The following ZBTB44 variants were observed in gnomAD, a reference collection of about 807,000 sequenced individuals.
ZBTB44 encodes zinc finger and BTB domain containing 44.
Under a neutral mutation model 54.0 loss-of-function variants are expected in ZBTB44, and 15 were observed. That is an observed-to-expected ratio of 0.28 (90% confidence interval 0.19 to 0.43). ZBTB44 has a LOEUF of 0.43. Ranked by LOEUF, ZBTB44 falls within the 20% of genes least tolerant of loss-of-function variation. ZBTB44 has a pLI of 1.00. For missense variants in ZBTB44, 487 were observed against 707.1 expected (o/e 0.69, Z 3.53); for synonymous variants, 230 against 250.1 (o/e 0.92, Z 0.76).
At chr11:130,242,501 A>G (rs1954413666) in intron 2 of ZBTB44, among the ~76,000 whole-genome samples, 2 of 152,032 alleles carry the variant, frequency 1.3e-5, no homozygotes, top group Admixed American at 1.3e-4. Flanking sequence ...TTTTTTGGCA[A>G]TGATTTGCTG....
intron 1 of ZBTB44, among the ~76,000 whole-genome samples, chr11:130,270,181 G>A (rs1489127083): frequency 6.6e-6 from 1 of 152,140 alleles, no homozygotes; most frequent in African/African-American, 2.4e-5. Context: ...ATTTAAATAT[G>A]CAGCCACATC....
chr11:130,302,313 A>G (rs1942030218), intron 1 of ZBTB44, among the ~76,000 whole-genome samples: 1 of 152,196 alleles, frequency 6.6e-6, no homozygotes, highest in Non-Finnish European at 1.5e-5. Context: ...TGCTCCTTAC[A>G]CTATGCTATA....
chr11:130,314,525 CCT>C lies in ZBTB44; in HGVS notation c.-209_-208del, dbSNP rs1319661919. ...TCCTCCCCCGGGAGGCTCAGGGGCC[CCT>C]ATCTCGGGCCGCCGCGCCTAGGCCC... On this transcript the variant is annotated 5_prime_UTR_variant, in exon 1 of 8. In the 5' UTR this introduces an upstream ATG that the reference lacks. Transcript: ENST00000357899. 6.6e-6 allele frequency: 1 copy of C among 152,034 alleles called. No individual in the cohort carries two copies. The highest frequency in any genetic ancestry group is 1.5e-5 in the Non-Finnish European group (1 of 67,820). The allele number at this position is 152,034 out of a possible 1,614,324, so 9.4% of individuals were successfully genotyped here.
At chr11:130,281,437 T>G (rs1940490374) in intron 1 of ZBTB44, among the ~76,000 whole-genome samples, 1 of 151,956 alleles carries the variant, frequency 6.6e-6, no homozygotes, top group African/African-American at 2.4e-5. Flanking sequence ...GGAGGATGGC[T>G]TGAGCCCAGG....
chr11:130,294,739 G>A (rs1409503507), intron 1 of ZBTB44, among the ~76,000 whole-genome samples: 5 of 152,172 alleles, frequency 3.3e-5, no homozygotes, highest in South Asian at 2.1e-4. Context: ...ATAATGGAAC[G>A]GTAGGCAAAA....
chr11:130,310,303 G>A (rs1030175330), intron 1 of ZBTB44: 1 of 152,184 alleles, frequency 6.6e-6, no homozygotes, highest in African/African-American at 2.4e-5. Flanking sequence ...CACTAAATTA[G>A]GCATCAACAT....
At chr11:130,234,330 A>T in intron 5 of ZBTB44, 57 bp from the exon 6 acceptor site, 5 of 1,448,352 alleles carry the variant, frequency 3.5e-6, no homozygotes, top group Non-Finnish European at 4.6e-6. Flanking sequence ...GTAATAGATA[A>T]GCAACAGTAA....
chr11:130,256,076 C>T (rs1297891179), intron 2 of ZBTB44, among the ~76,000 whole-genome samples: 1 of 152,064 alleles, frequency 6.6e-6, no homozygotes, highest in South Asian at 2.1e-4. Context: ...AGGGACTCCT[C>T]CCTAACTCAT....
At chr11:130,308,046 T>G (rs1942376097) in intron 1 of ZBTB44, among the ~76,000 whole-genome samples, 2 of 152,326 alleles carry the variant, frequency 1.3e-5, no homozygotes, top group South Asian at 4.1e-4. Flanking sequence ...ATATTTTTAC[T>G]GCACCTTTTC....
intron 1 of ZBTB44, among the ~76,000 whole-genome samples, chr11:130,289,003 AC>A (rs1391163360): frequency 6.6e-6 from 1 of 152,218 alleles, no homozygotes; most frequent in Non-Finnish European, 1.5e-5. Context: ...TAAATAAACC[AC>A]AGAAAGACAG....
Position 130,236,804 on chromosome 11 carries a change from G to C in ZBTB44, c.1557C>G (p.Tyr519Ter). The C allele has an allele frequency of 7.5e-7, 1 of 1,333,200 alleles. No homozygotes were observed. Among genetic ancestry groups the C allele is most frequent in the Non-Finnish European group, 9.6e-7 (1 of 1,041,982 alleles). The allele number at this position is 1,333,200 out of a possible 1,614,324, so 82.6% of individuals were successfully genotyped here. A position where few individuals can be genotyped will look rare whatever the true frequency, so the allele number is the denominator to read the frequency against. The change falls in exon 5 of 8, where the codon TAC (tyrosine) becomes TAG (stop). Residue 519 changes from tyrosine (Y) to a stop codon, truncating the protein, a stop_gained. Coordinates refer to ENST00000357899, the MANE Select transcript of ZBTB44 (RefSeq NM_001301098.2). LOFTEE classifies it high-confidence loss of function. Reference sequence around the variant, plus strand: ...GTTGTGCACCTCACCTGCTCTGGAAGTAGTTTGCTAGCTCTGATGCTTCAT... The same window carrying C: ...GTTGTGCACCTCACCTGCTCTGGAACTAGTTTGCTAGCTCTGATGCTTCAT... The part of the protein sequence containing the change: ...LNHEASELAN[Y>*]FQSSDFLVPD...
intron 1 of ZBTB44, among the ~76,000 whole-genome samples, chr11:130,299,501 C>T (rs559770478): frequency 4.1e-4 from 62 of 150,720 alleles, no homozygotes; most frequent in African/African-American, 1.3e-3. Context: ...CGCAGTGAGC[C>T]GAGACCGTGC....
rs1484786469 is a variant in ZBTB44, at chr11:130,227,121, A to G, written c.*4643T>C. Reference sequence around the variant, plus strand: ...AAAAAGGTCACAAAAATATATATATATATGTAGTCACCAAGAACTATGGTT... The same window carrying G: ...AAAAAGGTCACAAAAATATATATATGTATGTAGTCACCAAGAACTATGGTT... On this transcript the variant is annotated 3_prime_UTR_variant, in exon 8 of 8. Transcript: ENST00000357899. 1.3e-5 allele frequency: 2 copies of G among 152,226 alleles called. No homozygotes were observed. The highest frequency in any genetic ancestry group is 6.5e-5 in the Admixed American group (1 of 15,288). 9.4% of individuals were successfully genotyped at this position (152,226 alleles called of 1,614,324 possible). A position where few individuals can be genotyped will look rare whatever the true frequency, so the allele number is the denominator to read the frequency against.
chr11:130,296,258 A>G lies in ZBTB44; in HGVS notation c.-57+18117T>C, dbSNP rs542176541. ...CAACAGTGGATGGTCTTGAGCAGGG[A>G]TATGTTGTTTGTCCTTCTGAAAAGA... On this transcript the variant is annotated intron_variant, in intron 1 of 7. Transcript: ENST00000357899. 8.5e-5 allele frequency: 122 copies of G among 1,433,720 alleles called. 1 individual carries two copies. In the African/African-American group the frequency reaches 1.6e-3, roughly 18 times the overall value. 88.8% of individuals were successfully genotyped at this position (1,433,720 alleles called of 1,614,324 possible).
chr11:130,310,742 T>G (rs1289347924), intron 1 of ZBTB44, among the ~76,000 whole-genome samples: 5 of 152,114 alleles, frequency 3.3e-5, no homozygotes, highest in Non-Finnish European at 7.4e-5. Flanking sequence ...ATAGTTTTTT[T>G]TTGTTTTGTT....
chr11:130,299,496 T>G (rs1453215788), intron 1 of ZBTB44, among the ~76,000 whole-genome samples: 1 of 149,184 alleles, frequency 6.7e-6, no homozygotes, highest in Non-Finnish European at 1.5e-5. Context: ...GAGGTCGCAG[T>G]GAGCCGAGAC....
At chr11:130,268,905 G>A (rs113086546) in intron 1 of ZBTB44, among the ~76,000 whole-genome samples, 6,096 of 150,304 alleles carry the variant, frequency 0.041, 298 homozygotes, top group African/African-American at 0.11. Flanking sequence ...GAGAGAGAGA[G>A]AAAAAAAGAA....
chr11:130,301,442 T>C (rs1312116005), intron 1 of ZBTB44, among the ~76,000 whole-genome samples: 1 of 152,084 alleles, frequency 6.6e-6, no homozygotes, highest in Non-Finnish European at 1.5e-5. Flanking sequence ...TCACGTGAGC[T>C]TAAGAGTTCA....
intron 1 of ZBTB44, among the ~76,000 whole-genome samples, chr11:130,276,242 A>AAAAAAAAAAGAAAG (rs59112840): frequency 2.1e-5 from 2 of 94,420 alleles, no homozygotes; most frequent in African/African-American, 3.7e-5. Flanking sequence ...CAAAAAAAAA[A>AAAAAAAAAAGAAAG]AAAAGAAAAA....
Sources: allele counts gnomAD v4.1 joint callset (sites outside exome capture counted in the v4.1 genomes callset), GRCh38; gene constraint gnomAD v4.1.1; transcripts MANE v1.5; gene names NCBI Gene and HGNC (gene_info 2026-07-23, HGNC 2026-07-21).